UGT1A9: variants seen among roughly 807,000 people sequenced by gnomAD.
The protein encoded by UGT1A9 is UDP-glucuronosyltransferase 1A9.
UGT1A9 carries 35 observed loss-of-function variants against 45.0 expected under a neutral mutation model. That is an observed-to-expected ratio of 0.78 (90% CI 0.59 to 1.03). The LOEUF is 1.03. UGT1A9 is among the 50% of genes least tolerant of loss of function. The probability of loss-of-function intolerance (pLI) is 0.00; values close to 1 mark genes in which losing one functional copy is unlikely to be tolerated. For missense variants in UGT1A9, 687 were observed against 666.6 expected, an observed-to-expected ratio of 1.03 and a Z score of -0.34; for synonymous variants, 278 against 250.6, an observed-to-expected ratio of 1.11 and a Z score of -1.03.
intron 1 of UGT1A9, chr2:233,682,549 G>A (rs147392032): frequency 2.9e-4 from 473 of 1,613,794 alleles, no homozygotes; most frequent in Non-Finnish European, 3.7e-4. Flanking sequence ...TGACTTTCAA[G>A]GAGAGAGTAT....
chr2:233,732,815 A>G (rs1359476181), intron 1 of UGT1A9, among the ~76,000 whole-genome samples: 2 of 140,410 alleles, frequency 1.4e-5, no homozygotes, highest in African/African-American at 5.5e-5. Context: ...TTGATTCCAT[A>G]TGAACTTTAA....
intron 1 of UGT1A9, chr2:233,755,099 C>G: frequency 2.2e-6 from 3 of 1,335,076 alleles, no homozygotes; most frequent in Non-Finnish European, 3.0e-6. Context: ...TCTACGCGTC[C>G]GACAACACCT....
intron 1 of UGT1A9, among the ~76,000 whole-genome samples, chr2:233,757,055 C>T (rs1475700124): frequency 1.3e-5 from 2 of 151,398 alleles, no homozygotes; most frequent in African/African-American, 2.4e-5. Flanking sequence ...GTTTGGGGAA[C>T]AGCAAGGGAT....
At chr2:233,704,833 A>AGAG in intron 1 of UGT1A9, among the ~76,000 whole-genome samples, 1 of 152,130 alleles carries the variant, frequency 6.6e-6, no homozygotes, top group Non-Finnish European at 1.5e-5. Context: ...ATTGCTTTTA[A>AGAG]AATCAGTTAA....
intron 1 of UGT1A9, chr2:233,719,286 C>A (rs1465114425): frequency 1.2e-6 from 2 of 1,614,082 alleles, no homozygotes; most frequent in Non-Finnish European, 1.7e-6. Context: ...CCCCGTTAAC[C>A]TCTGTGGGGC....
intron 1 of UGT1A9, among the ~76,000 whole-genome samples, chr2:233,697,120 C>T (rs948717146): frequency 1.2e-4 from 18 of 151,966 alleles, no homozygotes; most frequent in Non-Finnish European, 2.5e-4. Flanking sequence ...ATTCTCTCCT[C>T]TTCATTTTTC....
chr2:233,729,942 CA>C, intron 1 of UGT1A9: 1 of 1,614,068 alleles, frequency 6.2e-7, no homozygotes, highest in Non-Finnish European at 8.5e-7. Context: ...TCATGCCCAA[CA>C]TGGTCTTCAT....
chr2:233,760,301 C>A (rs1697391714), intron 1 of UGT1A9: 1 of 1,613,532 alleles, frequency 6.2e-7, no homozygotes, highest in South Asian at 1.1e-5. Flanking sequence ...GCTGTGGAGT[C>A]CCAGGGCGGA....
At chr2:233,696,969 T>C (rs1331149699) in intron 1 of UGT1A9, among the ~76,000 whole-genome samples, 4 of 152,270 alleles carry the variant, frequency 2.6e-5, no homozygotes, top group Admixed American at 2.6e-4. Flanking sequence ...TATTATTGGA[T>C]TTGGTTTGCT....
chr2:233,754,969 T>A, intron 1 of UGT1A9: 6 of 1,302,646 alleles, frequency 4.6e-6, no homozygotes, highest in Non-Finnish European at 6.2e-6. Context: ...AAGAACTCCC[T>A]GAAGACCTCG....
chr2:233,690,942 A>G, intron 1 of UGT1A9: 1 of 1,016,324 alleles, frequency 9.8e-7, no homozygotes, highest in South Asian at 4.0e-5. Flanking sequence ...CCTCCAACTC[A>G]TGTTCTGTAG....
chr2:233,733,255 C>T (rs2078373056), intron 1 of UGT1A9, among the ~76,000 whole-genome samples: 1 of 152,174 alleles, frequency 6.6e-6, no homozygotes, highest in African/African-American at 2.4e-5. Context: ...CATCTGCAAA[C>T]AGGGACTATT....
chr2:233,688,373 T>C (rs1414345723), intron 1 of UGT1A9, among the ~76,000 whole-genome samples: 1 of 152,242 alleles, frequency 6.6e-6, no homozygotes, highest in Admixed American at 6.5e-5. Flanking sequence ...TTGTGAACAT[T>C]TGTATACGAT....
chr2:233,685,430 G>A (rs1665210350), intron 1 of UGT1A9, among the ~76,000 whole-genome samples: 1 of 152,068 alleles, frequency 6.6e-6, no homozygotes, highest in Non-Finnish European at 1.5e-5. Context: ...CAGTTATAAA[G>A]AATTCGAGCT....
In UGT1A9 at chr2:233,743,013, C is replaced by A. The variant is rs1054809; in HGVS notation, c.856-24021C>A. On this transcript the variant is annotated intron_variant, in intron 1 of 4. Transcript: ENST00000354728. ...CAAATTGCATACAGATATTTTACAA[C>A]GATTGAAAGACAAACAGAGGTCCTA... The A allele has an allele frequency of 1.1e-4, 27 of 235,930 alleles. 1 individual carries two copies. The highest frequency in any genetic ancestry group is 7.5e-4 in the South Asian group (13 of 17,240). 14.6% of individuals were successfully genotyped at this position (235,930 alleles called of 1,614,324 possible). A position where few individuals can be genotyped will look rare whatever the true frequency, so the allele number is the denominator to read the frequency against.
In UGT1A9 at chr2:233,769,168, C is replaced by T. The variant is rs1699803234; in HGVS notation, c.1295+729C>T. Among the ~76,000 whole-genome samples the T allele has an allele frequency of 6.6e-6, 1 of 152,082 alleles. No individual in the cohort carries two copies. Among genetic ancestry groups the T allele is most frequent in the Non-Finnish European group, 1.5e-5 (1 of 68,026 alleles). The stretch of plus-strand genomic sequence containing the variant: ...ACTGGAACCTGTGAGAAATTTTGTC[C>T]ATGGAGTTTATGAATGAAGGAGCTA... On this transcript the variant is annotated intron_variant, in intron 4 of 4. Coordinates refer to ENST00000354728, the MANE Select transcript of UGT1A9 (RefSeq NM_021027.3). The surrounding 1 kb of genome is among the most constrained non-coding windows in gnomAD (Gnocchi z 4.4).
chr2:233,735,770 G>A (rs1420645187), intron 1 of UGT1A9, among the ~76,000 whole-genome samples: 1 of 152,120 alleles, frequency 6.6e-6, no homozygotes, highest in Non-Finnish European at 1.5e-5. Flanking sequence ...CACTTATGAA[G>A]CTTACTTTGG....
In UGT1A9 at chr2:233,741,128, AAC is replaced by A. The variant is rs200537082; in HGVS notation, c.856-25903_856-25902del. The stretch of plus-strand genomic sequence containing the variant: ...TCAAGCTTTACACTTCTATAAAAGC[AAC>A]ACTTTCCATTTATGACAGCACTAAT... On this transcript the variant is annotated intron_variant, in intron 1 of 4. Coordinates refer to ENST00000354728, the MANE Select transcript of UGT1A9 (RefSeq NM_021027.3). Among the ~76,000 whole-genome samples, 1,292 of 152,018 alleles carry A rather than the reference AAC, an allele frequency of 8.5e-3. 44 individuals carry two copies. The highest frequency in any genetic ancestry group is 0.053 in the Admixed American group (810 of 15,284).
At chr2:233,727,744 G>A (rs1233532072) in intron 1 of UGT1A9, among the ~76,000 whole-genome samples, 5 of 152,112 alleles carry the variant, frequency 3.3e-5, no homozygotes, top group Admixed American at 6.5e-5. Flanking sequence ...GCCATCCTGC[G>A]TGTGCTGCCC....
Sources: allele counts gnomAD v4.1 joint callset (sites outside exome capture counted in the v4.1 genomes callset), GRCh38; gene constraint gnomAD v4.1.1; non-coding constraint Gnocchi (gnomAD v3.1); transcripts MANE v1.5; gene names NCBI Gene and HGNC (gene_info 2026-07-23, HGNC 2026-07-21).